PTPRT: variants seen among roughly 807,000 people sequenced by gnomAD.
The protein encoded by PTPRT is receptor-type tyrosine-protein phosphatase T.
Under a neutral mutation model 176.8 loss-of-function variants are expected in PTPRT, and 56 were observed. The ratio of observed to expected loss-of-function variants is 0.32; its 90% confidence interval spans 0.26 to 0.40. PTPRT has a LOEUF of 0.40. Among genes scored for constraint, PTPRT ranks in the 10% least tolerant of loss-of-function variants. The pLI is 1.00. For synonymous variants in PTPRT, 783 were observed against 739.0 expected (o/e 1.06, Z -0.96); for missense variants, 1,540 against 1,908.2 (o/e 0.81, Z 3.60).
chr20:42,325,376 A>C (rs182493664), intron 11 of PTPRT, among the ~76,000 whole-genome samples: 218 of 152,288 alleles, frequency 1.4e-3, no homozygotes, highest in Non-Finnish European at 2.4e-3. Flanking sequence ...ACATTTAATG[A>C]AAGTGAATTT....
intron 6 of PTPRT, among the ~76,000 whole-genome samples, chr20:42,729,936 A>G (rs1164044210): frequency 6.6e-6 from 1 of 152,204 alleles, no homozygotes; most frequent in East Asian, 1.9e-4. Context: ...AATGAAGCCA[A>G]CAAGGATGAT....
intron 9 of PTPRT, among the ~76,000 whole-genome samples, chr20:42,401,591 A>G (rs1394612492): frequency 6.6e-6 from 1 of 152,156 alleles, no homozygotes; most frequent in African/African-American, 2.4e-5. Flanking sequence ...AGAGAGCCGG[A>G]GGTGGATTCA....
chr20:42,615,047 T>C (rs1028631968), intron 7 of PTPRT, among the ~76,000 whole-genome samples: 3 of 140,366 alleles, frequency 2.1e-5, no homozygotes, highest in African/African-American at 8.4e-5. Context: ...TAACTCGTCA[T>C]CTAGCATTAG....
At chr20:42,933,647 C>T (rs919147574) in intron 1 of PTPRT, among the ~76,000 whole-genome samples, 10 of 152,154 alleles carry the variant, frequency 6.6e-5, no homozygotes, top group Admixed American at 2.6e-4. Flanking sequence ...AATTTCCAAA[C>T]GCTTATCTCA....
intron 12 of PTPRT, among the ~76,000 whole-genome samples, chr20:42,283,205 T>G (rs997982359): frequency 1.3e-5 from 2 of 152,018 alleles, no homozygotes; most frequent in Non-Finnish European, 2.9e-5. Context: ...TAATGAAGAG[T>G]GTGCTTAGGA....
At chr20:43,158,923 A>G (rs6065584) in intron 1 of PTPRT, among the ~76,000 whole-genome samples, 141,636 of 152,266 alleles carry the variant, frequency 0.93, 66,375 homozygotes, top group East Asian at 1. Flanking sequence ...AGCTTAGCAC[A>G]GCACCTGGGA....
intron 11 of PTPRT, among the ~76,000 whole-genome samples, chr20:42,336,005 G>C (rs1356256050): frequency 1.3e-5 from 2 of 151,992 alleles, no homozygotes; most frequent in Admixed American, 1.3e-4. Context: ...TGTAAAATAG[G>C]GATAACACTA....
chr20:42,108,801 A>G (rs1986750875), intron 23 of PTPRT, among the ~76,000 whole-genome samples: 1 of 152,204 alleles, frequency 6.6e-6, no homozygotes, highest in Admixed American at 6.5e-5. Context: ...TAGCCAACCC[A>G]TTTGGTAATA....
chr20:43,189,571 G>A lies in PTPRT; in HGVS notation c.88+75C>T, dbSNP rs1052636209. ...GAGCCCACACAACTTTCTCCTCCGA[G>A]GGCCCCGCGGCTGGGGGCCCGCGCG... On this transcript the variant is annotated intron_variant, in intron 1 of 30. Transcript: ENST00000373187. This position sits in a 1 kb window ranked among gnomAD's most constrained non-coding sequence, Gnocchi z 5.0. The A allele has an allele frequency of 1.5e-4, 155 of 1,007,018 alleles. No individual in the cohort carries two copies. The highest frequency in any genetic ancestry group is 1.9e-4 in the Non-Finnish European group (147 of 794,164). 62.4% of individuals were successfully genotyped at this position (1,007,018 alleles called of 1,614,324 possible).
intron 1 of PTPRT, among the ~76,000 whole-genome samples, chr20:42,926,335 C>T (rs1331270782): frequency 6.6e-6 from 1 of 152,218 alleles, no homozygotes; most frequent in African/African-American, 2.4e-5. Context: ...GGTCACAGGC[C>T]CCAACAATGG....
At chr20:42,489,489 T>C (rs1201239964) in intron 7 of PTPRT, among the ~76,000 whole-genome samples, 1 of 150,302 alleles carries the variant, frequency 6.7e-6, no homozygotes, top group Non-Finnish European at 1.5e-5. Context: ...TCCTCGAGCA[T>C]ACCTAGCCTA....
chr20:42,704,073 G>A (rs2076014729), intron 6 of PTPRT, among the ~76,000 whole-genome samples: 1 of 152,130 alleles, frequency 6.6e-6, no homozygotes, highest in Non-Finnish European at 1.5e-5. Context: ...CAAGGTCACT[G>A]TGCAAATCGC....
chr20:42,423,873 A>G (rs918080207), intron 9 of PTPRT, among the ~76,000 whole-genome samples: 10 of 152,256 alleles, frequency 6.6e-5, no homozygotes, highest in African/African-American at 2.4e-4. Context: ...ATTTAAAATA[A>G]TAAAGATGCA....
intron 7 of PTPRT, among the ~76,000 whole-genome samples, chr20:42,508,237 T>C (rs1406403630): frequency 2.0e-5 from 3 of 151,450 alleles, no homozygotes; most frequent in Admixed American, 6.6e-5. Context: ...CAAAATACTG[T>C]TTTATGTTTG....
intron 14 of PTPRT, among the ~76,000 whole-genome samples, chr20:42,247,987 C>A (rs1248095574): frequency 6.6e-6 from 1 of 152,154 alleles, no homozygotes; most frequent in Non-Finnish European, 1.5e-5. Flanking sequence ...TGTAGTACAT[C>A]TTGGAAATAA....
rs927025980 is a variant in PTPRT, at chr20:42,324,127, A to T, written c.1866-8131T>A. ...ATAAAAACCATCCAAATGTTTATCA[A>T]CCAATTGGTGAATGGGTAAACAATA... On this transcript the variant is annotated intron_variant, in intron 11 of 30. Coordinates refer to ENST00000373187, the MANE Select transcript of PTPRT (RefSeq NM_007050.6). 2.6e-5 allele frequency among the ~76,000 whole-genome samples: 4 copies of T among 152,228 alleles called. No homozygotes were observed. In the South Asian group the frequency reaches 8.3e-4, roughly 32 times the overall value.
chr20:42,589,240 T>C (rs1166996918), intron 7 of PTPRT, among the ~76,000 whole-genome samples: 1 of 152,146 alleles, frequency 6.6e-6, no homozygotes, highest in East Asian at 1.9e-4. Context: ...GTGGGGGAGT[T>C]CTCTCATTTA....
intron 2 of PTPRT, among the ~76,000 whole-genome samples, chr20:42,808,954 C>A (rs1046812793): frequency 1.6e-4 from 24 of 152,338 alleles, no homozygotes; most frequent in African/African-American, 5.5e-4. Flanking sequence ...GTTCTTTGAC[C>A]TTTCAGATCT....
At position 42,592,085 on chromosome 20, in the gene PTPRT, T is replaced by C. The variant is rs1043477497; in HGVS notation, c.1153+85781A>G. 1.4e-4 allele frequency among the ~76,000 whole-genome samples: 21 copies of C among 148,652 alleles called. 2 individuals are homozygous for C. Among genetic ancestry groups the C allele is most frequent in the Admixed American group, 1.0e-3 (15 of 14,768 alleles). ...AGCTCTGCCTCCTGGGTTCACGCCA[T>C]TCTCCTGCCTCAGCCTCCCGAGTAG... is the stretch of plus-strand genomic sequence containing the variant. On this transcript the variant is annotated intron_variant, in intron 7 of 30. Transcript: ENST00000373187.
Sources: gnomAD v4.1 joint callset for allele counts (sites outside exome capture counted in the v4.1 genomes callset) on GRCh38, gnomAD v4.1.1 for gene constraint, Gnocchi (gnomAD v3.1) non-coding constraint, MANE v1.5 for transcripts, NCBI Gene and HGNC (gene_info 2026-07-23, HGNC 2026-07-21) for gene names.